ECHDC1: variants seen among roughly 807,000 people sequenced by gnomAD.
The protein encoded by ECHDC1 is ethylmalonyl-CoA decarboxylase.
In ECHDC1, 29 loss-of-function variants were observed where a neutral mutation model predicts 29.7. That is an observed-to-expected ratio of 0.98 (90% CI 0.73 to 1.33). The LOEUF (loss-of-function observed/expected upper bound fraction) is 1.33, where lower values mean the gene tolerates loss of function less well. Ranked by LOEUF, ECHDC1 falls within the 40% of genes most tolerant of loss-of-function variation. The pLI, the probability that ECHDC1 is intolerant of heterozygous loss-of-function variation, is 0.00. For missense variants in ECHDC1, 328 were observed against 350.0 expected, an observed-to-expected ratio of 0.94 and a Z score of 0.50; for synonymous variants, 126 against 123.1, an observed-to-expected ratio of 1.02 and a Z score of -0.15.
intron 5 of ECHDC1, 68 bp from the exon 6 acceptor site, chr6:127,290,345 A>C (rs1780047724): frequency 2.3e-5 from 33 of 1,460,660 alleles, no homozygotes; most frequent in Non-Finnish European, 2.9e-5. Flanking sequence ...AGTACTATCC[A>C]TTCATGATCT....
Position 127,327,076 on chromosome 6 carries a change from T to C in ECHDC1, c.289A>G (p.Ile97Val). The change falls in exon 3 of 6, where the codon ATT (isoleucine) becomes GTT (valine). Residue 97 changes from isoleucine (I) to valine (V), a missense_variant. Ile to Val is a conservative substitution (Grantham distance 29, BLOSUM62 3). Transcript: ENST00000454859. ...LENWTEGKGL[I>V]VRGAKNTFSS... Reference sequence around the variant, plus strand: ...AAAGTATTTTTTGCCCCACGGACAATGAGGCCTTTCCCCTCTGTCCAATTT... The same window carrying C: ...AAAGTATTTTTTGCCCCACGGACAACGAGGCCTTTCCCCTCTGTCCAATTT... 2 of 1,614,056 alleles carry C rather than the reference T, an allele frequency of 1.2e-6. No homozygotes were observed. The highest frequency in any genetic ancestry group is 8.5e-7 in the Non-Finnish European group (1 of 1,179,968).
At chr6:127,340,816 G>A (rs547267825) in intron 1 of ECHDC1, among the ~76,000 whole-genome samples, 14 of 151,990 alleles carry the variant, frequency 9.2e-5, no homozygotes, top group South Asian at 2.1e-4. Flanking sequence ...TAGAAAATAA[G>A]GAGGAGGGAC....
At chr6:127,303,238 A>T (rs556462724) in intron 5 of ECHDC1, among the ~76,000 whole-genome samples, 218 of 147,852 alleles carry the variant, frequency 1.5e-3, no homozygotes, top group African/African-American at 5.1e-3. Flanking sequence ...AGTCAAAAAA[A>T]TAAAAAATAT....
intron 3 of ECHDC1, among the ~76,000 whole-genome samples, chr6:127,320,561 T>G (rs1214044496): frequency 6.6e-6 from 1 of 152,238 alleles, no homozygotes; most frequent in Non-Finnish European, 1.5e-5. Flanking sequence ...CATTGAAGAC[T>G]AAGCAGGTTT....
intron 4 of ECHDC1, chr6:127,315,993 C>A: frequency 4.2e-6 from 2 of 470,764 alleles, no homozygotes; most frequent in Non-Finnish European, 8.8e-6. Flanking sequence ...AAAGTCAATT[C>A]ATATTCCTCA....
intron 3 of ECHDC1, among the ~76,000 whole-genome samples, chr6:127,323,270 C>T (rs760600306): frequency 2.0e-5 from 3 of 151,772 alleles, no homozygotes; most frequent in South Asian, 2.1e-4. Context: ...ATACTCAACC[C>T]GTATAATCAA....
chr6:127,342,415 G>C, intron 1 of ECHDC1: 1 of 1,537,176 alleles, frequency 6.5e-7, no homozygotes, highest in South Asian at 1.2e-5. Flanking sequence ...GTTAATCATT[G>C]CAGGAATCCC....
At chr6:127,337,561 C>T (rs1184676337) in intron 1 of ECHDC1, among the ~76,000 whole-genome samples, 1 of 152,244 alleles carries the variant, frequency 6.6e-6, no homozygotes, top group Non-Finnish European at 1.5e-5. Flanking sequence ...ATTGATGTTT[C>T]ATGCCTTCCT....
chr6:127,325,039 C>G (rs981062028), intron 3 of ECHDC1, among the ~76,000 whole-genome samples: 6 of 152,080 alleles, frequency 3.9e-5, no homozygotes, highest in Admixed American at 3.9e-4. Context: ...ATAGAGTAAC[C>G]AGGCAAACAC....
chr6:127,298,878 TA>T (rs1780826810), intron 5 of ECHDC1, among the ~76,000 whole-genome samples: 1 of 151,736 alleles, frequency 6.6e-6, no homozygotes, highest in Non-Finnish European at 1.5e-5. Context: ...TACTGTACTA[TA>T]TTTTTTTTTT....
chr6:127,314,721 A>T, intron 5 of ECHDC1, 95 bp downstream of exon 5: 1 of 877,502 alleles, frequency 1.1e-6, no homozygotes, highest in Non-Finnish European at 1.8e-6. Flanking sequence ...GGTTTATCCT[A>T]TTTAAGAATA....
At chr6:127,292,947 T>C (rs1010194475) in intron 5 of ECHDC1, among the ~76,000 whole-genome samples, 8 of 152,160 alleles carry the variant, frequency 5.3e-5, no homozygotes, top group Admixed American at 1.3e-4. Flanking sequence ...AACTGTTTAA[T>C]AGCATAATCA....
Position 127,311,661 on chromosome 6 carries a change from C to T in ECHDC1, c.497+3155G>A, listed in dbSNP as rs1781916111. On this transcript the variant is annotated intron_variant, in intron 5 of 5. Coordinates refer to ENST00000454859, the MANE Select transcript of ECHDC1 (RefSeq NM_001002030.2). Reference sequence around the variant, plus strand: ...TGCACTCCAGCCTGGGTGACAGAGGCTCTGTCTCAAAAAAAAAAAAAAAAA... The same window carrying T: ...TGCACTCCAGCCTGGGTGACAGAGGTTCTGTCTCAAAAAAAAAAAAAAAAA... 4.4e-5 allele frequency among the ~76,000 whole-genome samples: 4 copies of T among 91,366 alleles called. 1 individual carries two copies. The allele number at this position is 91,366 out of a possible 152,430, so 59.9% of individuals were successfully genotyped here.
At chr6:127,298,352 AAGCC>A (rs1343239204) in intron 5 of ECHDC1, among the ~76,000 whole-genome samples, 2 of 152,190 alleles carry the variant, frequency 1.3e-5, no homozygotes, top group African/African-American at 4.8e-5. Flanking sequence ...TTGATGCTAA[AAGCC>A]AAGCAGTCTG....
intron 1 of ECHDC1, chr6:127,342,259 G>T: frequency 7.7e-7 from 1 of 1,294,994 alleles, no homozygotes; most frequent in Non-Finnish European, 1.0e-6. Context: ...GGCATTTGCA[G>T]TGCCTAAAGA....
At chr6:127,314,041 A>G (rs1166964871) in intron 5 of ECHDC1, among the ~76,000 whole-genome samples, 2 of 152,176 alleles carry the variant, frequency 1.3e-5, no homozygotes, top group Non-Finnish European at 2.9e-5. Context: ...GTCAGTGCTC[A>G]GGCTCTTTAC....
chr6:127,335,322 T>C (rs1784334730), intron 1 of ECHDC1, among the ~76,000 whole-genome samples: 4 of 152,108 alleles, frequency 2.6e-5, no homozygotes, highest in Admixed American at 2.0e-4. Context: ...AGGTGGCTTA[T>C]AACTACAATA....
chr6:127,314,250 C>A (rs771517934), intron 5 of ECHDC1, among the ~76,000 whole-genome samples: 6 of 152,064 alleles, frequency 3.9e-5, no homozygotes, highest in Non-Finnish European at 7.4e-5. Flanking sequence ...TATAAAATGT[C>A]ATTTCTATAT....
At chr6:127,333,468 A>G (rs908281912) in intron 1 of ECHDC1, among the ~76,000 whole-genome samples, 20 of 152,088 alleles carry the variant, frequency 1.3e-4, no homozygotes, top group African/African-American at 4.8e-4. Context: ...TGAACATTTT[A>G]GCATGTGTCT....
Sources: allele counts gnomAD v4.1 joint callset (sites outside exome capture counted in the v4.1 genomes callset), GRCh38; gene constraint gnomAD v4.1.1; transcripts MANE v1.5; gene names NCBI Gene and HGNC (gene_info 2026-07-23, HGNC 2026-07-21).